The following WDPCP variants were observed in gnomAD, a reference collection of about 807,000 sequenced individuals.
WDPCP encodes the protein WD repeat-containing and planar cell polarity effector protein fritz homolog.
In WDPCP, 71 loss-of-function variants were observed where a neutral mutation model predicts 93.1. The ratio of observed to expected loss-of-function variants is 0.76; its 90% CI spans 0.63 to 0.93. WDPCP has a LOEUF of 0.93. Ranked by LOEUF, WDPCP falls within the 40% of genes least tolerant of loss-of-function variation. The pLI is 0.00. For synonymous variants in WDPCP, 315 were observed against 315.0 expected, an observed-to-expected ratio of 1.00 and a Z score of 0.00; for missense variants, 844 against 887.4, an observed-to-expected ratio of 0.95 and a Z score of 0.62.
At chr2:63,523,819 G>C (rs1558752093) in intron 1 of WDPCP, among the ~76,000 whole-genome samples, 1 of 152,190 alleles carries the variant, frequency 6.6e-6, no homozygotes, top group African/African-American at 2.4e-5. Context: ...GCTGAGGCAG[G>C]AGAATTGCTT....
rs751198088 is a variant in WDPCP at position 63,152,910 on chromosome 2, T to G, written c.2190+4A>C. 6.8e-6 allele frequency: 11 copies of G among 1,610,972 alleles called. No homozygotes were observed. Among genetic ancestry groups the G allele is most frequent in the Non-Finnish European group, 8.5e-6 (10 of 1,177,388 alleles). On this transcript the variant is annotated splice_donor_region_variant and intron_variant, in intron 17 of 17. Coordinates refer to ENST00000272321, the MANE Select transcript of WDPCP (RefSeq NM_015910.7). ...TCTAGTAATAAACAGAGAAAGTGTTTTACCTGTTCTCTGCCGTCTTCTCTC... is the reference window on the plus strand; with the variant it reads ...TCTAGTAATAAACAGAGAAAGTGTTGTACCTGTTCTCTGCCGTCTTCTCTC...
chr2:63,835,005 A>C, the WDPCP span, among the ~76,000 whole-genome samples: 1 of 151,904 alleles, frequency 6.6e-6, no homozygotes, highest in African/African-American at 2.4e-5. Flanking sequence ...ACTGCTATTC[A>C]TTATTGGCAT....
At chr2:63,349,422 T>G (rs1689422724) in intron 12 of WDPCP, among the ~76,000 whole-genome samples, 1 of 152,202 alleles carries the variant, frequency 6.6e-6, no homozygotes, top group Non-Finnish European at 1.5e-5. Context: ...AATTTCACTC[T>G]ATTCTAAGCT....
intron 1 of WDPCP, among the ~76,000 whole-genome samples, chr2:63,546,530 T>G (rs1393392575): frequency 6.6e-6 from 1 of 152,196 alleles, no homozygotes; most frequent in East Asian, 1.9e-4. Flanking sequence ...TGAGACACCA[T>G]AGCCTGAAGC....
intron 17 of WDPCP, among the ~76,000 whole-genome samples, chr2:63,134,410 A>G (rs1430407590): frequency 6.6e-6 from 1 of 152,258 alleles, no homozygotes; most frequent in Non-Finnish European, 1.5e-5. Flanking sequence ...ATAAAAATTA[A>G]ATTCTGGCTA....
chr2:63,463,316 A>ATTAAAGTT (rs1699142132), intron 6 of WDPCP, among the ~76,000 whole-genome samples: 1 of 152,122 alleles, frequency 6.6e-6, no homozygotes, highest in South Asian at 2.1e-4. Context: ...AAAAAGCATG[A>ATTAAAGTT]TTAAAGTTGG....
intron 2 of WDPCP, among the ~76,000 whole-genome samples, chr2:63,808,947 G>T (rs528021444): frequency 3.9e-4 from 59 of 151,860 alleles, no homozygotes; most frequent in African/African-American, 1.3e-3. Flanking sequence ...GAGTGTCTCT[G>T]CCCGGCCTCC....
intron 2 of WDPCP, among the ~76,000 whole-genome samples, chr2:63,753,203 G>A (rs1397378107): frequency 2.0e-5 from 3 of 151,978 alleles, no homozygotes; most frequent in African/African-American, 4.8e-5. Context: ...AGGCCGAGGC[G>A]GGCGGGTCAC....
rs146458473 is a variant in WDPCP, at chr2:63,293,196, C to T, written c.1812+20052G>A. ...TTCATTTTTCTTTCTTGCCCCTTTGCGAACCAAACATTAAAGACTAGGACT... is the reference window on the plus strand; with the variant it reads ...TTCATTTTTCTTTCTTGCCCCTTTGTGAACCAAACATTAAAGACTAGGACT... On this transcript the variant is annotated intron_variant, in intron 13 of 17. Transcript: ENST00000272321. Among the ~76,000 whole-genome samples the T allele has an allele frequency of 1.5e-3, 235 of 152,190 alleles. No individual in the cohort carries two copies. In the Middle Eastern group the frequency reaches 0.017, roughly 11 times the overall value.
intron 12 of WDPCP, among the ~76,000 whole-genome samples, chr2:63,366,905 A>C (rs1490448601): frequency 6.6e-6 from 1 of 152,070 alleles, no homozygotes; most frequent in African/African-American, 2.4e-5. Context: ...TGAGCAAGTT[A>C]TTTAATCTGT....
intron 2 of WDPCP, among the ~76,000 whole-genome samples, chr2:63,761,339 C>G (rs1670051770): frequency 6.6e-6 from 1 of 152,144 alleles, no homozygotes; most frequent in South Asian, 2.1e-4. Context: ...ACTTCTTAGC[C>G]TTCAGAACTA....
chr2:63,529,728 A>T (rs958374767), intron 1 of WDPCP, among the ~76,000 whole-genome samples: 1 of 152,074 alleles, frequency 6.6e-6, no homozygotes, highest in African/African-American at 2.4e-5. Flanking sequence ...TGCTGGCCTC[A>T]TAAAATGAGT....
At chr2:63,123,838 T>C (rs1669710415) in intron 17 of WDPCP, among the ~76,000 whole-genome samples, 2 of 151,422 alleles carry the variant, frequency 1.3e-5, no homozygotes. Context: ...CCACGTTTTA[T>C]TTATTTATTT....
chr2:63,806,827 T>C (rs1006348317), intron 2 of WDPCP, among the ~76,000 whole-genome samples: 1 of 152,226 alleles, frequency 6.6e-6, no homozygotes, highest in African/African-American at 2.4e-5. Context: ...GAGTTTAAGG[T>C]TATCTCTCTT....
At chr2:63,724,694 G>A (rs1669473769) in intron 2 of WDPCP, among the ~76,000 whole-genome samples, 1 of 152,160 alleles carries the variant, frequency 6.6e-6, no homozygotes, top group Admixed American at 6.5e-5. Flanking sequence ...AAACCCAAAT[G>A]GAAAAGTGGG....
chr2:63,802,144 TAAC>T (rs1400386857), intron 2 of WDPCP, among the ~76,000 whole-genome samples: 1 of 151,872 alleles, frequency 6.6e-6, no homozygotes, highest in Non-Finnish European at 1.5e-5. Flanking sequence ...TTGTATATTC[TAAC>T]ATCATCATTC....
At chr2:63,591,733 G>A (rs1432191171), upstream of WDPCP, among the ~76,000 whole-genome samples, 2 of 152,136 alleles carry the variant, frequency 1.3e-5, no homozygotes, top group Non-Finnish European at 2.9e-5. Context: ...TCTCAAGAGC[G>A]CTTCATGGCC....
chr2:63,822,393 G>C (rs1263655530), intron 1 of WDPCP, among the ~76,000 whole-genome samples: 5 of 152,014 alleles, frequency 3.3e-5, no homozygotes, highest in African/African-American at 1.2e-4. Flanking sequence ...AAAGAAATTA[G>C]AGTTTGTAGA....
intron 1 of WDPCP, among the ~76,000 whole-genome samples, chr2:63,567,449 CAACTT>C: frequency 6.6e-6 from 1 of 152,290 alleles, no homozygotes; most frequent in Non-Finnish European, 1.5e-5. Context: ...ATCACACTCT[CAACTT>C]AACTTCATGC....
Sources: allele counts gnomAD v4.1 joint callset (sites outside exome capture counted in the v4.1 genomes callset), GRCh38; gene constraint gnomAD v4.1.1; transcripts MANE v1.5; gene names NCBI Gene and HGNC (gene_info 2026-07-23, HGNC 2026-07-21).